The following PCDHA5 variants were observed in gnomAD, a reference collection of about 807,000 sequenced individuals.
PCDHA5 encodes the protein protocadherin alpha 5, also known as protocadherin alpha-5.
Under a neutral mutation model 61.6 loss-of-function variants are expected in PCDHA5, and 43 were observed. The observed-to-expected ratio is 0.70, with a 90% CI of 0.55 to 0.90. The LOEUF (loss-of-function observed/expected upper bound fraction) is 0.90, where lower values mean the gene tolerates loss of function less well. PCDHA5 is among the 40% of genes least tolerant of loss of function. PCDHA5 has a pLI of 0.00. For missense variants in PCDHA5, 1,298 were observed against 1,222.7 expected (o/e 1.06, Z -0.92); for synonymous variants, 627 against 543.9 (o/e 1.15, Z -2.13).
At chr5:140,864,746 A>G (rs989903827) in intron 1 of PCDHA5, 1 of 152,144 alleles carries the variant, frequency 6.6e-6, no homozygotes, top group Admixed American at 6.5e-5. Context: ...AGCACCGATT[A>G]TACTCATTTT....
rs2150125952 is a variant in PCDHA5 at position 140,823,456 on chromosome 5, G to C, written c.1681G>C (p.Ala561Pro). The change falls in exon 1 of 4, where the codon GCG becomes CCG. Residue 561 changes from alanine to proline, a missense_variant. By Grantham distance (27) the Ala-to-Pro change is conservative. Transcript: ENST00000529859. ...GTTCGTGCTGGACGAGAACGACAAC[G>C]CGCCGGCGCTGCTGGTGCCTCGAGT... is the stretch of plus-strand genomic sequence containing the variant. ...QVFVLDENDN[A>P]PALLVPRVGG... The C allele has an allele frequency of 1.2e-6, 2 of 1,613,302 alleles. No individual in the cohort carries two copies. Among genetic ancestry groups the C allele is most frequent in the African/African-American group, 2.7e-5 (2 of 74,924 alleles).
Position 141,010,957 on chromosome 5 carries a change from C to CT in PCDHA5, c.*1021dup, listed in dbSNP as rs1342734442. The CT allele has an allele frequency of 6.5e-5, 10 of 153,858 alleles. No homozygotes were observed. Among genetic ancestry groups the CT allele is most frequent in the African/African-American group, 2.4e-4 (10 of 41,554 alleles). The allele number at this position is 153,858 out of a possible 1,614,324, so 9.5% of individuals were successfully genotyped here. A position where few individuals can be genotyped will look rare whatever the true frequency, so the allele number is the denominator to read the frequency against. On this transcript the variant is annotated 3_prime_UTR_variant, in exon 4 of 4. Coordinates refer to ENST00000529859, the MANE Select transcript of PCDHA5 (RefSeq NM_018908.3). ...ACAGCCATTTAAATGATCATTGCTG[C>CT]TACAGAAGTGCTTTAAGAGAATTGC...
At chr5:140,870,257 C>A in intron 1 of PCDHA5, 2 of 1,614,172 alleles carry the variant, frequency 1.2e-6, no homozygotes, top group African/African-American at 1.3e-5. Flanking sequence ...GGACAGGTGA[C>A]CTGCTCGCTG....
intron 1 of PCDHA5, chr5:140,857,657 C>T (rs1207727837): frequency 1.9e-6 from 3 of 1,596,740 alleles, no homozygotes; most frequent in Non-Finnish European, 1.7e-6. Context: ...GGTGAGCGCG[C>T]GCGATGGGGG....
chr5:140,838,779 A>C lies in PCDHA5; in HGVS notation c.2352+14652A>C, dbSNP rs1039097840. Among the ~76,000 whole-genome samples the C allele has an allele frequency of 1.8e-4, 28 of 152,056 alleles. 1 individual carries two copies. The highest frequency in any genetic ancestry group is 1.5e-3 in the Admixed American group (23 of 15,270). ...TTGTAGAGACTTTGTAAAATTAGCT[A>C]TGCATGGTGATGCATGTCTGTAGTT... is the stretch of plus-strand genomic sequence containing the variant. On this transcript the variant is annotated intron_variant, in intron 1 of 3. Coordinates refer to ENST00000529859, the MANE Select transcript of PCDHA5 (RefSeq NM_018908.3).
At chr5:140,828,806 G>A in intron 1 of PCDHA5, 2 of 1,614,220 alleles carry the variant, frequency 1.2e-6, no homozygotes, top group Non-Finnish European at 1.7e-6. Context: ...GAATGATAAT[G>A]CTCCCACTTT....
rs1022603902 is a variant in PCDHA5, at chr5:140,840,855, G to A, written c.2352+16728G>A. 5.9e-5 allele frequency among the ~76,000 whole-genome samples: 9 copies of A among 151,892 alleles called. 1 individual carries two copies. Among genetic ancestry groups the A allele is most frequent in the African/African-American group, 2.2e-4 (9 of 41,294 alleles). Reference sequence around the variant, plus strand: ...AAATATTAATGCATTTCTTCCACACGAAACTATGGAGGACAGTTTACATTT... The same window carrying A: ...AAATATTAATGCATTTCTTCCACACAAAACTATGGAGGACAGTTTACATTT... On this transcript the variant is annotated intron_variant, in intron 1 of 3. Transcript: ENST00000529859.
At chr5:140,879,555 C>A (rs1278975106) in intron 1 of PCDHA5, among the ~76,000 whole-genome samples, 1 of 152,048 alleles carries the variant, frequency 6.6e-6, no homozygotes, top group African/African-American at 2.4e-5. Flanking sequence ...AAAAATAATC[C>A]ATGAAAGAAT....
intron 1 of PCDHA5, chr5:140,835,893 C>T: frequency 2.5e-6 from 4 of 1,612,040 alleles, no homozygotes; most frequent in Middle Eastern, 2.0e-4. Flanking sequence ...CGAGCGCGCG[C>T]TGTCGAGCTA....
chr5:140,851,265 CTTGTA>C, intron 1 of PCDHA5: 1 of 1,075,054 alleles, frequency 9.3e-7, no homozygotes, highest in Non-Finnish European at 1.2e-6. Flanking sequence ...TTTTAGTCTA[CTTGTA>C]TTGTTTATAA....
At position 140,882,742 on chromosome 5, in the gene PCDHA5, C is replaced by G. The variant is rs372229324; in HGVS notation, c.2352+58615C>G. Reference sequence around the variant, plus strand: ...CTCGATTTCCACTAGATGGCGCATCCGATGCAGATATTGGAGTAAACTCGG... The same window carrying G: ...CTCGATTTCCACTAGATGGCGCATCGGATGCAGATATTGGAGTAAACTCGG... On this transcript the variant is annotated intron_variant, in intron 1 of 3. Coordinates refer to ENST00000529859, the MANE Select transcript of PCDHA5 (RefSeq NM_018908.3). 126 of 1,614,092 alleles carry G rather than the reference C, an allele frequency of 7.8e-5. 1 individual carries two copies. The Middle Eastern group carries it at 1.6e-3, about 21-fold the overall frequency.
chr5:140,837,614 C>A (rs188278547), intron 1 of PCDHA5, among the ~76,000 whole-genome samples: 1 of 147,776 alleles, frequency 6.8e-6, no homozygotes, highest in East Asian at 2.0e-4. Flanking sequence ...TTATAATTTG[C>A]CCCTTCCTTC....
chr5:140,882,859 GA>G (rs1554175853), intron 1 of PCDHA5: 4 of 1,614,192 alleles, frequency 2.5e-6, no homozygotes, highest in Non-Finnish European at 3.4e-6. Flanking sequence ...TTGTACTGAG[GA>G]AAACACTGGA....
chr5:140,968,587 C>T (rs1554230892), intron 1 of PCDHA5: 8 of 1,614,196 alleles, frequency 5.0e-6, no homozygotes, highest in Non-Finnish European at 6.8e-6. Context: ...TCACCAAAGT[C>T]ATAGCTATGG....
chr5:140,970,854 T>G (rs2096437899), intron 1 of PCDHA5, among the ~76,000 whole-genome samples: 1 of 152,148 alleles, frequency 6.6e-6, no homozygotes, highest in Non-Finnish European at 1.5e-5. Flanking sequence ...GCACAAAAGT[T>G]CCATTCCTGA....
At chr5:140,929,592 C>A in intron 1 of PCDHA5, 1 of 424,552 alleles carries the variant, frequency 2.4e-6, no homozygotes, top group Non-Finnish European at 4.2e-6. Flanking sequence ...ACATAAAGGT[C>A]TAAAATTAAA....
chr5:140,988,495 G>GT (rs2097300130), intron 3 of PCDHA5, among the ~76,000 whole-genome samples: 1 of 152,158 alleles, frequency 6.6e-6, no homozygotes, highest in Non-Finnish European at 1.5e-5. Context: ...CTACCTAGGA[G>GT]AAGCCATGAA....
At chr5:140,966,993 G>A in intron 1 of PCDHA5, 4 of 1,604,524 alleles carry the variant, frequency 2.5e-6, no homozygotes, top group Non-Finnish European at 3.4e-6. Context: ...GGGCCGGGTT[G>A]CTTGCGCATC....
At chr5:140,830,567 G>C (rs1771136580) in intron 1 of PCDHA5, 1 of 950,998 alleles carries the variant, frequency 1.1e-6, no homozygotes, top group South Asian at 3.4e-5. Flanking sequence ...CTATATTTCT[G>C]TTTTTAATTT....
Sources: allele counts gnomAD v4.1 joint callset (sites outside exome capture counted in the v4.1 genomes callset), GRCh38; gene constraint gnomAD v4.1.1; transcripts MANE v1.5; gene names NCBI Gene and HGNC (gene_info 2026-07-23, HGNC 2026-07-21).